CSDE1: variants seen among roughly 807,000 people sequenced by gnomAD.
CSDE1 encodes cold shock domain containing E1.
A neutral mutation model predicts 89.3 loss-of-function variants in CSDE1; 17 were observed. The observed-to-expected ratio is 0.19, with a 90% confidence interval of 0.13 to 0.29. CSDE1 has a LOEUF of 0.29. CSDE1 is among the 10% of genes least tolerant of loss of function. CSDE1 has a pLI of 1.00. For synonymous variants in CSDE1, 322 were observed against 332.8 expected (o/e 0.97, Z 0.35); for missense variants, 672 against 984.2 (o/e 0.68, Z 4.24).
At position 114,749,347 on chromosome 1, in the gene CSDE1, G is replaced by A. The variant is rs188286661; in HGVS notation, c.-1+474C>T. 5.9e-5 allele frequency among the ~76,000 whole-genome samples: 9 copies of A among 152,284 alleles called. No individual in the cohort carries two copies. The East Asian group carries it at 1.7e-3, about 29-fold the overall frequency. On this transcript the variant is annotated intron_variant, in intron 2 of 19. Coordinates refer to ENST00000358528, the MANE Select transcript of CSDE1 (RefSeq NM_001007553.3). ...CAATGCCTAACAATACAGTAGGCAT[G>A]TCAACCATTTACAAATGTGCACTGT...
intron 2 of CSDE1, chr1:114,741,734 C>A: frequency 8.0e-7 from 1 of 1,253,562 alleles, no homozygotes; most frequent in Admixed American, 2.9e-5. Context: ...GCACATTTCA[C>A]AGTCAATATA....
intron 17 of CSDE1, 115 bp from the exon 18 acceptor site, chr1:114,719,857 T>C: frequency 9.7e-7 from 1 of 1,028,228 alleles, no homozygotes; most frequent in Non-Finnish European, 1.4e-6. Flanking sequence ...ATGTTGATAC[T>C]CCAGTCCAGC....
chr1:114,732,560 G>T, intron 10 of CSDE1, 44 bp downstream of exon 10: 1 of 1,573,334 alleles, frequency 6.4e-7, no homozygotes, highest in Non-Finnish European at 8.7e-7. Flanking sequence ...TATAACATTG[G>T]CTTTCGCATA....
At chr1:114,734,189 T>C in intron 7 of CSDE1, 72 bp from the exon 8 acceptor site, 1 of 1,508,882 alleles carries the variant, frequency 6.6e-7, no homozygotes, top group South Asian at 1.3e-5. Context: ...TTAAAACCAG[T>C]AATTTTTGTA....
Position 114,718,194 on chromosome 1 carries a change from ATCTT to A in CSDE1, c.2368_2371del (p.Lys790SerfsTer17). 1 of 1,614,072 alleles carries A rather than the reference ATCTT, an allele frequency of 6.2e-7. No homozygotes were observed. Among genetic ancestry groups the A allele is most frequent in the Non-Finnish European group, 8.5e-7 (1 of 1,180,000 alleles). ...TTAGTCAATGACACCAGCTTGACGG[ATCTT>A]TCTTTCTGCACCAAACCCCTGTGGG... On this transcript the variant is annotated frameshift_variant, in exon 20 of 20. Transcript: ENST00000358528. LOFTEE classifies it high-confidence loss of function.
chr1:114,745,027 TA>T (rs146171171), intron 2 of CSDE1, among the ~76,000 whole-genome samples: 5 of 151,952 alleles, frequency 3.3e-5, no homozygotes, highest in South Asian at 2.1e-4. Flanking sequence ...ATTTTTGCAA[TA>T]AAAAATCCAG....
rs1659661558 is a variant in CSDE1, at chr1:114,723,917, A to T, written c.1839T>A (p.Thr613=). 1 of 1,614,058 alleles carries T rather than the reference A, an allele frequency of 6.2e-7. No homozygotes were observed. The highest frequency in any genetic ancestry group is 1.3e-5 in the African/African-American group (1 of 75,044). ...RPLRSVDPTQ[T]EYQGMIEIVE... The stretch of plus-strand genomic sequence containing the variant: ...CAATCTCAATCATTCCTTGGTACTC[A>T]GTCTGTGTTGGATCAACACTCCTCA... Residue 613 remains threonine, a synonymous_variant, in exon 16 of 20, where the codon ACT becomes ACA. Transcript: ENST00000358528.
At chr1:114,755,136 A>G (rs1661521872) in intron 1 of CSDE1, among the ~76,000 whole-genome samples, 1 of 152,228 alleles carries the variant, frequency 6.6e-6, no homozygotes, top group African/African-American at 2.4e-5. Flanking sequence ...ATCCAATGTT[A>G]TTATACAATC....
intron 16 of CSDE1, among the ~76,000 whole-genome samples, chr1:114,722,240 A>G (rs1659566921): frequency 6.6e-6 from 1 of 152,234 alleles, no homozygotes; most frequent in Non-Finnish European, 1.5e-5. Context: ...GATAATCCAA[A>G]GAGATCAAGT....
At chr1:114,724,608 A>G (rs1393194925) in intron 15 of CSDE1, among the ~76,000 whole-genome samples, 1 of 151,548 alleles carries the variant, frequency 6.6e-6, no homozygotes, top group East Asian at 1.9e-4. Context: ...CCTAAATTAC[A>G]ATTAATTTTT....
At chr1:114,742,713 C>T (rs1272591521) in intron 2 of CSDE1, among the ~76,000 whole-genome samples, 1 of 152,204 alleles carries the variant, frequency 6.6e-6, no homozygotes, top group Non-Finnish European at 1.5e-5. Context: ...AGTTCTTCAA[C>T]CTCCACATTA....
At chr1:114,729,837 G>T (rs1170679421) in intron 12 of CSDE1, among the ~76,000 whole-genome samples, 1 of 152,128 alleles carries the variant, frequency 6.6e-6, no homozygotes, top group Non-Finnish European at 1.5e-5. Flanking sequence ...TTAAATGTGT[G>T]AACTGAGGAT....
intron 2 of CSDE1, among the ~76,000 whole-genome samples, chr1:114,749,198 G>A (rs975953415): frequency 6.6e-6 from 1 of 152,082 alleles, no homozygotes; most frequent in Non-Finnish European, 1.5e-5. Flanking sequence ...CAAGGGAACA[G>A]CTTCAGTTAT....
chr1:114,733,077 A>G (rs888763363), intron 9 of CSDE1, among the ~76,000 whole-genome samples: 1 of 152,178 alleles, frequency 6.6e-6, no homozygotes, highest in African/African-American at 2.4e-5. Flanking sequence ...CAGGAATGAC[A>G]CCACTTGTGT....
intron 15 of CSDE1, 150 bp from the exon 16 acceptor site, chr1:114,724,152 ATTTT>A: frequency 1.5e-6 from 1 of 662,688 alleles, no homozygotes; most frequent in Non-Finnish European, 2.4e-6. Flanking sequence ...GCCAAGTTCT[ATTTT>A]TAGAACAGCT....
At chr1:114,733,634 A>T in intron 9 of CSDE1, 98 bp downstream of exon 9, 1 of 1,095,920 alleles carries the variant, frequency 9.1e-7, no homozygotes, top group Non-Finnish European at 1.3e-6. Flanking sequence ...CCACTACCAC[A>T]TTATATTAAC....
intron 6 of CSDE1, among the ~76,000 whole-genome samples, chr1:114,734,865 C>T (rs867144280): frequency 6.6e-6 from 1 of 152,086 alleles, no homozygotes; most frequent in South Asian, 2.1e-4. Context: ...AGCCACAAAG[C>T]GAATGCTACC....
intron 2 of CSDE1, 65 bp downstream of exon 2, chr1:114,749,756 T>C (rs1163184426): frequency 6.6e-6 from 1 of 152,642 alleles, no homozygotes; most frequent in Non-Finnish European, 1.5e-5. Flanking sequence ...GATTTTATAT[T>C]TGACCAAATA....
chr1:114,754,009 G>T (rs1661453688), intron 1 of CSDE1, among the ~76,000 whole-genome samples: 2 of 152,198 alleles, frequency 1.3e-5, no homozygotes, highest in Admixed American at 1.3e-4. Flanking sequence ...TGTGTGCTAA[G>T]TAATCAACTC....
Sources: allele counts gnomAD v4.1 joint callset (sites outside exome capture counted in the v4.1 genomes callset), GRCh38; gene constraint gnomAD v4.1.1; transcripts MANE v1.5; gene names NCBI Gene and HGNC (gene_info 2026-07-23, HGNC 2026-07-21).